Variants in BRCC3 observed in about 807,000 individuals in gnomAD.
BRCC3 encodes the protein BRCA1/BRCA2-containing complex subunit 3, also known as lys-63-specific deubiquitinase BRCC36.
Under a neutral mutation model 28.0 loss-of-function variants are expected in BRCC3, and 15 were observed. That is an observed-to-expected ratio of 0.54 (90% confidence interval 0.36 to 0.82). The LOEUF (loss-of-function observed/expected upper bound fraction) is 0.82, where lower values mean the gene tolerates loss of function less well. Among genes scored for constraint, BRCC3 ranks in the 40% least tolerant of loss-of-function variants. BRCC3 has a pLI of 0.01. For synonymous variants in BRCC3, 66 were observed against 80.3 expected (o/e 0.82, Z 0.95); for missense variants, 109 against 225.9 (o/e 0.48, Z 3.32).
intron 3 of BRCC3, 138 bp downstream of exon 3, chrX:155,073,569 C>A (rs951048515): frequency 4.1e-6 from 3 of 732,673 alleles, no homozygotes; most frequent in Non-Finnish European, 6.0e-6. Flanking sequence ...AGAATCTACT[C>A]ACTAGGAATG....
chrX:155,118,304 G>A (rs1291803091), intron 9 of BRCC3, among the ~76,000 whole-genome samples: 1 of 64,302 alleles, frequency 1.6e-5, no homozygotes, highest in Non-Finnish European at 4.0e-5. Flanking sequence ...GCCAGGTGAA[G>A]GAAGCATCAC....
chrX:155,102,160 C>A (rs782050663), intron 7 of BRCC3, among the ~76,000 whole-genome samples: 10 of 112,115 alleles, frequency 8.9e-5, no homozygotes, highest in Non-Finnish European at 1.7e-4. Context: ...ATATGCCTTT[C>A]CTTTCCTTGG....
intron 7 of BRCC3, among the ~76,000 whole-genome samples, chrX:155,101,753 T>C (rs1418501203): frequency 3.6e-5 from 4 of 111,851 alleles, no homozygotes; most frequent in South Asian, 7.5e-4. Context: ...CATTCTTTCC[T>C]CTACCCAGCC....
intron 7 of BRCC3, among the ~76,000 whole-genome samples, chrX:155,101,096 G>T (rs1477007572): frequency 9.1e-6 from 1 of 110,038 alleles, no homozygotes; most frequent in African/African-American, 3.3e-5. Context: ...GTGGGGTTTC[G>T]CCATGTTGCC....
chrX:155,098,878 T>G (rs1461026784), intron 7 of BRCC3, among the ~76,000 whole-genome samples: 1 of 112,455 alleles, frequency 8.9e-6, no homozygotes, highest in African/African-American at 3.2e-5. Context: ...GAGATGTGTA[T>G]GTATAAACTT....
chrX:155,100,926 C>T (rs1487612732), intron 7 of BRCC3, among the ~76,000 whole-genome samples: 1 of 109,603 alleles, frequency 9.1e-6, no homozygotes, highest in Non-Finnish European at 1.9e-5. Flanking sequence ...CAGGGTCTTG[C>T]CTTGTCACCC....
chrX:155,098,099 T>C (rs1356999892), intron 7 of BRCC3, among the ~76,000 whole-genome samples: 2 of 112,726 alleles, frequency 1.8e-5, no homozygotes, highest in African/African-American at 6.4e-5. Context: ...TATTAATTTA[T>C]TCTATTTTCT....
rs782702164 is a variant in BRCC3, at chrX:155,071,541, T to TGGTGCAGGC, written c.27_35dup (p.Gln10_Val12dup). Reference sequence around the variant, plus strand: ...GGTCGGGCCAAGATGGCGGTGCAGGTGGTGCAGGCGGTGCAGGCGGTTCAT... The same window carrying TGGTGCAGGC: ...GGTCGGGCCAAGATGGCGGTGCAGGTGGTGCAGGCGGTGCAGGCGGTGCAGGCGGTTCAT... On this transcript the variant is annotated inframe_insertion, in exon 1 of 11. Coordinates refer to ENST00000330045, the MANE Select transcript of BRCC3 (RefSeq NM_001018055.3). The TGGTGCAGGC allele has an allele frequency of 1.8e-4, 220 of 1,203,965 alleles. 1 individual carries two copies. Among genetic ancestry groups the TGGTGCAGGC allele is most frequent in the South Asian group, 1.3e-3 (74 of 55,716 alleles).
chrX:155,076,651 T>A (rs1192642861), intron 3 of BRCC3, among the ~76,000 whole-genome samples: 3 of 110,954 alleles, frequency 2.7e-5, no homozygotes, highest in Non-Finnish European at 1.9e-5. Context: ...GTAGGGGAAA[T>A]CCACCCCTAC....
At chrX:155,095,494 T>C (rs2074203870) in intron 7 of BRCC3, among the ~76,000 whole-genome samples, 1 of 110,999 alleles carries the variant, frequency 9.0e-6, no homozygotes, top group Non-Finnish European at 1.9e-5. Context: ...AGAGATTGAA[T>C]TTCACCATGT....
At chrX:155,086,475 C>T (rs12008586) in intron 5 of BRCC3, among the ~76,000 whole-genome samples, 2,750 of 111,380 alleles carry the variant, frequency 0.025, 88 homozygotes, top group African/African-American at 0.085. Context: ...CTTAGCTTCC[C>T]GAGTAGCTGG....
intron 7 of BRCC3, among the ~76,000 whole-genome samples, chrX:155,115,462 A>G (rs1235842695): frequency 8.9e-6 from 1 of 112,165 alleles, no homozygotes; most frequent in Non-Finnish European, 1.9e-5. Flanking sequence ...TGGGGTGAGA[A>G]GTGGGTAGAG....
intron 7 of BRCC3, among the ~76,000 whole-genome samples, chrX:155,109,081 A>G: frequency 9.0e-6 from 1 of 111,437 alleles, no homozygotes; most frequent in African/African-American, 3.3e-5. Context: ...ACCTGGCACC[A>G]TTTATTGCTG....
chrX:155,102,594 C>T (rs868983496), intron 7 of BRCC3, among the ~76,000 whole-genome samples: 1 of 111,170 alleles, frequency 9.0e-6, no homozygotes, highest in Admixed American at 9.6e-5. Flanking sequence ...TGCCTTATTG[C>T]GTTGTTAGAA....
At position 155,122,193 on chromosome X, in the gene BRCC3, G is replaced by T. The variant is rs2074392431; in HGVS notation, c.*989G>T. On this transcript the variant is annotated 3_prime_UTR_variant, in exon 11 of 11. Coordinates refer to ENST00000330045, the MANE Select transcript of BRCC3 (RefSeq NM_001018055.3). ...CAGTCCAATTAGAAAATGGGCAAAA[G>T]ACATGAATAGATGTTTCACTGAAGA... is the stretch of plus-strand genomic sequence containing the variant. 9.1e-6 allele frequency: 1 copy of T among 109,640 alleles called. No homozygotes were observed. Among genetic ancestry groups the T allele is most frequent in the African/African-American group, 3.3e-5 (1 of 30,166 alleles). 9.0% of individuals were successfully genotyped at this position (109,640 alleles called of 1,213,427 possible). A position where few individuals can be genotyped will look rare whatever the true frequency, so the allele number is the denominator to read the frequency against.
intron 7 of BRCC3, among the ~76,000 whole-genome samples, chrX:155,114,319 C>T (rs1367424288): frequency 4.5e-5 from 5 of 111,035 alleles, no homozygotes; most frequent in Non-Finnish European, 9.4e-5. Flanking sequence ...CATGAAAGAA[C>T]CCTGAGAATA....
At chrX:155,117,723 A>G (rs1274673151) in intron 9 of BRCC3, among the ~76,000 whole-genome samples, 1 of 112,081 alleles carries the variant, frequency 8.9e-6, no homozygotes, top group Non-Finnish European at 1.9e-5. Flanking sequence ...AGGCCTATGT[A>G]TATATAAGAA....
chrX:155,075,445 C>T (rs1275687228), intron 3 of BRCC3, among the ~76,000 whole-genome samples: 2 of 111,596 alleles, frequency 1.8e-5, no homozygotes, highest in Non-Finnish European at 3.8e-5. Context: ...GCTATAATCC[C>T]ACTTGCCTGC....
At chrX:155,117,443 C>G (rs1217915472) in intron 9 of BRCC3, among the ~76,000 whole-genome samples, 1 of 111,902 alleles carries the variant, frequency 8.9e-6, no homozygotes, top group African/African-American at 3.3e-5. Flanking sequence ...CTGGGTCATT[C>G]TGTGCACTCT....
Sources: gnomAD v4.1 joint callset for allele counts (sites outside exome capture counted in the v4.1 genomes callset) on GRCh38, gnomAD v4.1.1 for gene constraint, MANE v1.5 for transcripts, NCBI Gene and HGNC (gene_info 2026-07-23, HGNC 2026-07-21) for gene names.